The following MDFIC2 variants were observed in gnomAD, a reference collection of about 807,000 sequenced individuals.
MDFIC2 encodes myoD family inhibitor domain-containing protein 2.
intron 2 of MDFIC2, among the ~76,000 whole-genome samples, chr3:70,295,413 A>G (rs1035018456): frequency 6.6e-6 from 1 of 152,192 alleles, no homozygotes; most frequent in East Asian, 1.9e-4. Context: ...CTTACATACC[A>G]TAATGAAAGC....
chr3:70,240,449 A>C (rs1270757134), intron 2 of MDFIC2, among the ~76,000 whole-genome samples: 3 of 152,060 alleles, frequency 2.0e-5, no homozygotes, highest in Non-Finnish European at 4.4e-5. Context: ...TATTTTTGAC[A>C]CACTATTTTT....
intron 2 of MDFIC2, among the ~76,000 whole-genome samples, chr3:70,309,951 A>G (rs549281011): frequency 7.9e-5 from 12 of 152,298 alleles, no homozygotes; most frequent in Admixed American, 3.3e-4. Flanking sequence ...TTGGCCTATC[A>G]ATTTCATTAT....
At chr3:70,289,039 G>A (rs977457738) in intron 2 of MDFIC2, among the ~76,000 whole-genome samples, 3 of 152,000 alleles carry the variant, frequency 2.0e-5, no homozygotes, top group African/African-American at 7.3e-5. Context: ...TCTTTTAATT[G>A]GAGCATTTAG....
chr3:70,292,323 G>T (rs1421946406), intron 2 of MDFIC2, among the ~76,000 whole-genome samples: 4 of 152,004 alleles, frequency 2.6e-5, no homozygotes, highest in Non-Finnish European at 5.9e-5. Context: ...CTATTAGAAT[G>T]GAGTCTCTGA....
intron 2 of MDFIC2, among the ~76,000 whole-genome samples, chr3:70,229,976 C>A (rs918808598): frequency 6.6e-6 from 1 of 151,890 alleles, no homozygotes; most frequent in Non-Finnish European, 1.5e-5. Flanking sequence ...TTATTGAATT[C>A]TAAGATTTGT....
chr3:70,228,945 C>T (rs1366310757), intron 2 of MDFIC2, among the ~76,000 whole-genome samples: 5 of 152,018 alleles, frequency 3.3e-5, no homozygotes, highest in African/African-American at 1.2e-4. Context: ...AGCTTCTAGT[C>T]CAAGAGCAGA....
chr3:70,310,498 T>G (rs934663129), intron 2 of MDFIC2, among the ~76,000 whole-genome samples: 3 of 152,002 alleles, frequency 2.0e-5, no homozygotes, highest in African/African-American at 7.3e-5. Flanking sequence ...CCTGAGTAGC[T>G]GGGACTACAG....
chr3:70,247,620 A>G (rs1468207246), intron 2 of MDFIC2, among the ~76,000 whole-genome samples: 1 of 151,868 alleles, frequency 6.6e-6, no homozygotes, highest in Non-Finnish European at 1.5e-5. Flanking sequence ...TATCTCTTTT[A>G]ATCTTCAGAA....
chr3:70,286,325 C>T (rs1702162179), intron 2 of MDFIC2, among the ~76,000 whole-genome samples: 1 of 152,056 alleles, frequency 6.6e-6, no homozygotes, highest in African/African-American at 2.4e-5. Context: ...AATCCTTTCC[C>T]CATTTCTTGT....
At chr3:70,219,595 A>G (rs1345981372) in intron 2 of MDFIC2, among the ~76,000 whole-genome samples, 1 of 152,196 alleles carries the variant, frequency 6.6e-6, no homozygotes, top group Non-Finnish European at 1.5e-5. Flanking sequence ...ACAAATTGGG[A>G]TGAAAAACCA....
At chr3:70,237,543 C>A (rs147566746) in intron 2 of MDFIC2, among the ~76,000 whole-genome samples, 4 of 152,196 alleles carry the variant, frequency 2.6e-5, no homozygotes, top group African/African-American at 9.7e-5. Flanking sequence ...TGTCTTACAC[C>A]TCTTACTCTT....
chr3:70,213,398 AG>A (rs1025210897), intron 2 of MDFIC2, among the ~76,000 whole-genome samples: 1 of 152,134 alleles, frequency 6.6e-6, no homozygotes, highest in Non-Finnish European at 1.5e-5. Flanking sequence ...TTTTAGTTCT[AG>A]GCCAAAACAT....
chr3:70,257,532 A>G (rs1328934965), intron 2 of MDFIC2, among the ~76,000 whole-genome samples: 1 of 152,130 alleles, frequency 6.6e-6, no homozygotes, highest in Non-Finnish European at 1.5e-5. Flanking sequence ...GAGAACTGGA[A>G]AATCAATTAG....
chr3:70,220,607 T>C (rs1701453366), intron 2 of MDFIC2, among the ~76,000 whole-genome samples: 1 of 152,074 alleles, frequency 6.6e-6, no homozygotes, highest in Non-Finnish European at 1.5e-5. Context: ...ACCCAGGAAG[T>C]ATGTTAGTGT....
intron 2 of MDFIC2, among the ~76,000 whole-genome samples, chr3:70,251,789 A>T (rs890379109): frequency 6.6e-6 from 1 of 152,224 alleles, no homozygotes; most frequent in Non-Finnish European, 1.5e-5. Context: ...GCACACCTGC[A>T]GCTTTGAGTC....
At chr3:70,264,990 G>A (rs1701902751) in intron 2 of MDFIC2, among the ~76,000 whole-genome samples, 1 of 152,188 alleles carries the variant, frequency 6.6e-6, no homozygotes, top group Non-Finnish European at 1.5e-5. Context: ...CATGGTGGCA[G>A]CAAGAGAGCA....
At chr3:70,212,103 A>G (rs1185012747) in intron 2 of MDFIC2, among the ~76,000 whole-genome samples, 1 of 152,000 alleles carries the variant, frequency 6.6e-6, no homozygotes, top group East Asian at 1.9e-4. Context: ...TTCTTTGTGA[A>G]GTTGGCCACT....
chr3:70,217,441 C>T (rs1701426124), intron 2 of MDFIC2, among the ~76,000 whole-genome samples: 1 of 152,040 alleles, frequency 6.6e-6, no homozygotes, highest in Non-Finnish European at 1.5e-5. Flanking sequence ...AATTGCCTTC[C>T]AGAAAGATTG....
At chr3:70,203,625 G>A (rs1353847659) in intron 3 of MDFIC2, among the ~76,000 whole-genome samples, 1 of 152,028 alleles carries the variant, frequency 6.6e-6, no homozygotes, top group African/African-American at 2.4e-5. Context: ...AGGTGACACT[G>A]GTGCATTTAA....
Sources: gnomAD v4.1 joint callset for allele counts (sites outside exome capture counted in the v4.1 genomes callset) on GRCh38, gnomAD v4.1.1 for gene constraint, MANE v1.5 for transcripts, NCBI Gene and HGNC (gene_info 2026-07-23, HGNC 2026-07-21) for gene names.